VPS53: variants seen among roughly 807,000 people sequenced by gnomAD.
VPS53 encodes the protein vacuolar protein sorting-associated protein 53 homolog.
VPS53 carries 70 observed loss-of-function variants against 107.0 expected under a neutral mutation model. The ratio of observed to expected loss-of-function variants is 0.65; its 90% CI spans 0.54 to 0.80. VPS53 has a LOEUF of 0.80. Ranked by LOEUF, VPS53 falls within the 30% of genes least tolerant of loss-of-function variation. The probability of loss-of-function intolerance (pLI) is 0.00; values close to 1 mark genes in which losing one functional copy is unlikely to be tolerated. For missense variants in VPS53, 917 were observed against 1,049.4 expected (o/e 0.87, Z 1.74); for synonymous variants, 409 against 393.3 (o/e 1.04, Z -0.47).
chr17:586,185 G>C, intron 13 of VPS53, 85 bp downstream of exon 13: 1 of 1,239,636 alleles, frequency 8.1e-7, no homozygotes. Context: ...TTTCAGCCCC[G>C]GAAGGAGCTG....
intron 17 of VPS53, among the ~76,000 whole-genome samples, chr17:541,374 G>A (rs910734056): frequency 6.6e-6 from 1 of 152,140 alleles, no homozygotes; most frequent in East Asian, 1.9e-4. Context: ...TGCACCAGGG[G>A]CTGAAGGAAT....
rs554401613 is a variant in VPS53 at position 690,580 on chromosome 17, C to T, written c.285+6838G>A. Among the ~76,000 whole-genome samples the T allele has an allele frequency of 3.3e-5, 5 of 152,358 alleles. No homozygotes were observed. The South Asian group carries it at 1.0e-3, about 32-fold the overall frequency. On this transcript the variant is annotated intron_variant, in intron 4 of 21. Coordinates refer to ENST00000437048, the MANE Select transcript of VPS53 (RefSeq NM_001128159.3). ...GACACACACCAGCCTGCTTACGCCGCTTAGGTTACTTTCCCAGCTCTGCGG... is the reference window on the plus strand; with the variant it reads ...GACACACACCAGCCTGCTTACGCCGTTTAGGTTACTTTCCCAGCTCTGCGG...
chr17:682,900 C>A (rs1972453632), intron 4 of VPS53, among the ~76,000 whole-genome samples: 1 of 137,792 alleles, frequency 7.3e-6, no homozygotes, highest in African/African-American at 3.0e-5. Flanking sequence ...GAATAATATG[C>A]TAAAGAATCT....
rs185347485 is a variant in VPS53 at position 646,300 on chromosome 17, C to T, written c.608+6991G>A. Among the ~76,000 whole-genome samples, 278 of 127,274 alleles carry T rather than the reference C, an allele frequency of 2.2e-3. 49 individuals carry two copies. The highest frequency in any genetic ancestry group is 3.9e-3 in the Non-Finnish European group (224 of 58,122). The allele number at this position is 127,274 out of a possible 152,430, so 83.5% of individuals were successfully genotyped here. A position where few individuals can be genotyped will look rare whatever the true frequency, so the allele number is the denominator to read the frequency against. ...CGGCTCCCACACACATCTCCATGACCGCGTGGCCTCTGCCTGATAAGGGTC... is the reference window on the plus strand; with the variant it reads ...CGGCTCCCACACACATCTCCATGACTGCGTGGCCTCTGCCTGATAAGGGTC... On this transcript the variant is annotated intron_variant, in intron 7 of 21. Coordinates refer to ENST00000437048, the MANE Select transcript of VPS53 (RefSeq NM_001128159.3).
chr17:603,152 C>T (rs1466941188), intron 11 of VPS53, among the ~76,000 whole-genome samples: 1 of 152,196 alleles, frequency 6.6e-6, no homozygotes, highest in Non-Finnish European at 1.5e-5. Flanking sequence ...AGGCCGGGTG[C>T]AGTGGCTCAC....
At chr17:577,502 A>C (rs993579138) in intron 13 of VPS53, among the ~76,000 whole-genome samples, 4 of 152,026 alleles carry the variant, frequency 2.6e-5, no homozygotes, top group African/African-American at 9.7e-5. Context: ...ATGCGGTCCC[A>C]GAGAACATCC....
At chr17:628,027 C>T in intron 9 of VPS53, 61 bp downstream of exon 9, 1 of 1,523,520 alleles carries the variant, frequency 6.6e-7, no homozygotes, top group Admixed American at 2.0e-5. Flanking sequence ...GTAGGCTTGA[C>T]AGCACTCATG....
rs554270420 is a variant in VPS53 at position 550,692 on chromosome 17, A to C, written c.1866+1180T>G. 7.2e-5 allele frequency among the ~76,000 whole-genome samples: 11 copies of C among 152,268 alleles called. No homozygotes were observed. The South Asian group carries it at 2.1e-3, about 29-fold the overall frequency. On this transcript the variant is annotated intron_variant, in intron 17 of 21. Coordinates refer to ENST00000437048, the MANE Select transcript of VPS53 (RefSeq NM_001128159.3). ...ATGAATCTCCCATATTCAAGACTACAAGAGAGATAAAAGAGGGGGTGAAAG... is the reference window on the plus strand; with the variant it reads ...ATGAATCTCCCATATTCAAGACTACCAGAGAGATAAAAGAGGGGGTGAAAG...
Position 601,809 on chromosome 17 carries a change from C to T in VPS53, c.1204G>A (p.Gly402Arg), listed in dbSNP as rs776649593. 1 of 1,603,656 alleles carries T rather than the reference C, an allele frequency of 6.2e-7. No individual in the cohort carries two copies. Among genetic ancestry groups the T allele is most frequent in the Non-Finnish European group, 8.5e-7 (1 of 1,174,786 alleles). The change falls in exon 12 of 22, where the codon GGA (glycine) becomes AGA (arginine). Residue 402 changes from glycine to arginine, a missense_variant. By Grantham distance (125) the Gly-to-Arg change is moderately radical (BLOSUM62 -2). Transcript: ENST00000437048. The part of the protein sequence containing the change: ...PEMEELATEK[G>R]DLDQPKKPKA... ...ACCAGACTTACTTGATCTAAATCTC[C>T]TTTCTCCGTTGCCAGTTCCTCCATC...
chr17:617,923 T>C (rs572786042), intron 11 of VPS53, among the ~76,000 whole-genome samples: 2 of 63,470 alleles, frequency 3.2e-5, no homozygotes, highest in South Asian at 1.3e-3. Context: ...CACTAATGTT[T>C]CCCGGGTAGC....
chr17:527,939 A>G (rs777844960), intron 19 of VPS53, among the ~76,000 whole-genome samples: 12 of 152,050 alleles, frequency 7.9e-5, no homozygotes, highest in Non-Finnish European at 1.6e-4. Context: ...CAAAATAACC[A>G]ATCTTTTCTT....
At chr17:670,943 G>A (rs1567726812) in intron 4 of VPS53, among the ~76,000 whole-genome samples, 13 of 152,204 alleles carry the variant, frequency 8.5e-5, no homozygotes, top group Non-Finnish European at 5.9e-5. Context: ...GAAAAGCAAC[G>A]TGCTGGGCCA....
intron 2 of VPS53, among the ~76,000 whole-genome samples, chr17:699,918 T>C (rs754978315): frequency 3.9e-5 from 6 of 152,214 alleles, no homozygotes; most frequent in Middle Eastern, 3.4e-3. Context: ...GCTAGGACAG[T>C]GGTTATCTCT....
chr17:672,305 G>C (rs56214309), intron 4 of VPS53, among the ~76,000 whole-genome samples: 17 of 151,766 alleles, frequency 1.1e-4, no homozygotes, highest in African/African-American at 3.6e-4. Flanking sequence ...TTCTTCAAAC[G>C]AGACACAACA....
intron 5 of VPS53, among the ~76,000 whole-genome samples, chr17:661,520 C>CAAAAAAA: frequency 9.2e-6 from 1 of 109,206 alleles, no homozygotes; most frequent in East Asian, 2.4e-4. Context: ...GACTCCATCT[C>CAAAAAAA]AAAAAAAAAA....
At position 516,859 on chromosome 17, in the gene VPS53, G is replaced by A. The variant is rs535452581; in HGVS notation, c.*2269C>T. On this transcript the variant is annotated 3_prime_UTR_variant, in exon 22 of 22. Coordinates refer to ENST00000437048, the MANE Select transcript of VPS53 (RefSeq NM_001128159.3). ...ACTTCCCTGGCTGTGACCACCAACT[G>A]TGGAAAACAGCAGCTTGATAGCTCA... 3 of 152,296 alleles carry A rather than the reference G, an allele frequency of 2.0e-5. No homozygotes were observed. The highest frequency in any genetic ancestry group is 4.4e-5 in the Non-Finnish European group (3 of 68,058). 9.4% of individuals were successfully genotyped at this position (152,296 alleles called of 1,614,324 possible).
chr17:593,363 T>G (rs1967776019), intron 12 of VPS53, among the ~76,000 whole-genome samples: 1 of 151,734 alleles, frequency 6.6e-6, no homozygotes, highest in African/African-American at 2.4e-5. Flanking sequence ...ACCATCAGAG[T>G]GAACAGGCAA....
At chr17:612,495 T>C (rs1968934646) in intron 11 of VPS53, among the ~76,000 whole-genome samples, 1 of 130,020 alleles carries the variant, frequency 7.7e-6, no homozygotes, top group Non-Finnish European at 1.6e-5. Flanking sequence ...AGTATTCAAA[T>C]AGTGAATTCA....
chr17:579,120 C>T lies in VPS53; in HGVS notation c.1313+7150G>A, dbSNP rs188016411. 1.4e-4 allele frequency among the ~76,000 whole-genome samples: 21 copies of T among 151,618 alleles called. No homozygotes were observed. The East Asian group carries it at 3.3e-3, about 24-fold the overall frequency. On this transcript the variant is annotated intron_variant, in intron 13 of 21. Coordinates refer to ENST00000437048, the MANE Select transcript of VPS53 (RefSeq NM_001128159.3). Reference sequence around the variant, plus strand: ...CAGGACCTAATGCGGTCCCAGAGAACATCCCTCAGAACCTAATGCGTTCCC... The same window carrying T: ...CAGGACCTAATGCGGTCCCAGAGAATATCCCTCAGAACCTAATGCGTTCCC...
Sources: allele counts gnomAD v4.1 joint callset (sites outside exome capture counted in the v4.1 genomes callset), GRCh38; gene constraint gnomAD v4.1.1; transcripts MANE v1.5; gene names NCBI Gene and HGNC (gene_info 2026-07-23, HGNC 2026-07-21).